LDB1: variants seen among roughly 807,000 people sequenced by gnomAD.
LDB1 encodes the protein LIM domain binding 1.
LDB1 carries 6 observed loss-of-function variants against 49.7 expected under a neutral mutation model. The ratio of observed to expected loss-of-function variants is 0.12; its 90% CI spans 0.07 to 0.24. The LOEUF (loss-of-function observed/expected upper bound fraction) is 0.24, where lower values mean the gene tolerates loss of function less well. LDB1 is among the 10% of genes least tolerant of loss of function. The pLI, the probability that LDB1 is intolerant of heterozygous loss-of-function variation, is 1.00. For missense variants in LDB1, 341 were observed against 561.7 expected (o/e 0.61, Z 3.97); for synonymous variants, 233 against 202.0 (o/e 1.15, Z -1.30).
At chr10:102,102,977 C>T (rs2068130763), downstream of LDB1, among the ~76,000 whole-genome samples, 1 of 152,094 alleles carries the variant, frequency 6.6e-6, no homozygotes, top group African/African-American at 2.4e-5. Context: ...TCCCACTATG[C>T]CCAGCTTAAA....
At chr10:102,108,629 A>C (rs894033752) in intron 10 of LDB1, among the ~76,000 whole-genome samples, 2 of 152,180 alleles carry the variant, frequency 1.3e-5, no homozygotes, top group African/African-American at 4.8e-5. Flanking sequence ...TCCACATGTA[A>C]GAAAGGGAGC....
Position 102,109,104 on chromosome 10 carries a change from A to G in LDB1, c.930T>C (p.Gly310=). 6.2e-7 allele frequency: 1 copy of G among 1,614,114 alleles called. No individual in the cohort carries two copies. Among genetic ancestry groups the G allele is most frequent in the Non-Finnish European group, 8.5e-7 (1 of 1,180,026 alleles). The stretch of plus-strand genomic sequence containing the variant: ...TGTTGCTGTTGTTGGTGTTGCCACC[A>G]CCAGAGCTCATGGTGCTGCCCCCTG... ...KMSGGSTMSS[G]GGNTNNSNSK... The change falls in exon 10 of 11, where the codon GGT becomes GGC. Residue 310 remains glycine, a synonymous_variant. Coordinates refer to ENST00000673968, the MANE Select transcript of LDB1 (RefSeq NM_001113407.3). This position sits in a 1 kb window ranked among gnomAD's most constrained non-coding sequence, Gnocchi z 5.8.
chr10:102,118,697 G>A (rs2133533595), intron 1 of LDB1, among the ~76,000 whole-genome samples: 1 of 152,304 alleles, frequency 6.6e-6, no homozygotes, highest in East Asian at 1.9e-4. Context: ...GTTGATGGAG[G>A]GTCAGGGCCC....
At chr10:102,108,966 G>A (rs750953533) in intron 10 of LDB1, 63 bp downstream of exon 10, 1 of 1,605,982 alleles carries the variant, frequency 6.2e-7, no homozygotes, top group East Asian at 2.2e-5. Context: ...GCTCAGGCTT[G>A]GAAAGGGGTC....
At chr10:102,115,441 T>G (rs995562945) in intron 1 of LDB1, among the ~76,000 whole-genome samples, 7 of 152,170 alleles carry the variant, frequency 4.6e-5, no homozygotes, top group African/African-American at 1.7e-4. Context: ...CTGGAGCAGC[T>G]GGGGGGAGAG....
At chr10:102,120,942 C>T (rs2068412630), upstream of LDB1, among the ~76,000 whole-genome samples, 1 of 152,202 alleles carries the variant, frequency 6.6e-6, no homozygotes, top group Non-Finnish European at 1.5e-5. Context: ...CTGGAGGCCC[C>T]TTGTTTCGCG....
intron 1 of LDB1, chr10:102,114,812 G>GGGGGCCCCCCCCCCCCCCCC: frequency 2.7e-4 from 253 of 929,742 alleles, no homozygotes; most frequent in Non-Finnish European, 3.0e-4. Flanking sequence ...CCTCCGAGCA[G>GGGGGCCCCCCCCCCCCCCCC]CCCGCCCGCC....
At chr10:102,112,786 T>TG (rs778117065) in intron 1 of LDB1, among the ~76,000 whole-genome samples, 4 of 152,146 alleles carry the variant, frequency 2.6e-5, no homozygotes, top group Non-Finnish European at 5.9e-5. Context: ...TAGGGGCAAG[T>TG]GGTCACTAGA....
In LDB1 at chr10:102,119,557, CCAACCTTCCCTGG is replaced by C. The variant is rs1197168220; in HGVS notation, c.25+516_25+528del. On this transcript the variant is annotated intron_variant, in intron 1 of 10. Transcript: ENST00000673968. The stretch of plus-strand genomic sequence containing the variant: ...GAGTACCTCCGGTGCCTCAGGAGGG[CCAACCTTCCCTGG>C]CAACAGGCAGGAAAAGTTGAAGGTG... Among the ~76,000 whole-genome samples, 4 of 152,014 alleles carry C rather than the reference CCAACCTTCCCTGG, an allele frequency of 2.6e-5. No homozygotes were observed. In the East Asian group the frequency reaches 7.7e-4, roughly 29 times the overall value.
At chr10:102,118,590 C>T (rs1444700806) in intron 1 of LDB1, among the ~76,000 whole-genome samples, 1 of 152,230 alleles carries the variant, frequency 6.6e-6, no homozygotes, top group Non-Finnish European at 1.5e-5. Flanking sequence ...TACATACATA[C>T]CCGCTTACCC....
At chr10:102,113,815 C>T (rs1324981688) in intron 1 of LDB1, among the ~76,000 whole-genome samples, 1 of 148,640 alleles carries the variant, frequency 6.7e-6, no homozygotes, top group East Asian at 2.0e-4. Flanking sequence ...AGAGAATGAA[C>T]AGGCATTGTC....
At chr10:102,114,234 G>A (rs747197347) in intron 1 of LDB1, among the ~76,000 whole-genome samples, 5 of 152,170 alleles carry the variant, frequency 3.3e-5, no homozygotes, top group Non-Finnish European at 7.4e-5. Context: ...TGGTAACCAG[G>A]CTGACTCGAG....
In LDB1 at chr10:102,110,668, C is replaced by A; in HGVS notation, c.386G>T (p.Arg129Leu). The change falls in exon 6 of 11, where the codon CGC becomes CTC. Residue 129 changes from arginine to leucine, a missense_variant. Arg to Leu is a moderately radical substitution (Grantham distance 102, BLOSUM62 -2). Coordinates refer to ENST00000673968, the MANE Select transcript of LDB1 (RefSeq NM_001113407.3). ...CGTAGCACCCCCCTCAAAGATGCTGCGGAAGTAGCGTGGGATCAGGGTCCG... is the reference window on the plus strand; with the variant it reads ...CGTAGCACCCCCCTCAAAGATGCTGAGGAAGTAGCGTGGGATCAGGGTCCG... ...IGRTLIPRYF[R>L]SIFEGGATEL... The A allele has an allele frequency of 6.2e-7, 1 of 1,613,614 alleles. No homozygotes were observed. The highest frequency in any genetic ancestry group is 8.5e-7 in the Non-Finnish European group (1 of 1,179,738).
intron 5 of LDB1, 76 bp downstream of exon 5, chr10:102,110,793 T>C (rs528924278): frequency 1.4e-5 from 22 of 1,580,206 alleles, no homozygotes; most frequent in Non-Finnish European, 1.9e-5. Flanking sequence ...CCCCTGGCAC[T>C]CCCAGACCCA....
downstream of LDB1, among the ~76,000 whole-genome samples, chr10:102,104,193 AG>A (rs2068137950): frequency 6.6e-6 from 1 of 152,310 alleles, no homozygotes; most frequent in East Asian, 1.9e-4. Flanking sequence ...AGACCGGGTC[AG>A]GAAAAATGAG....
chr10:102,103,179 G>C (rs1337364230), downstream of LDB1, among the ~76,000 whole-genome samples: 3 of 151,530 alleles, frequency 2.0e-5, no homozygotes. Flanking sequence ...TCAGGTGCAT[G>C]ATCATGCCCA....
rs546415735 is a variant in LDB1, at chr10:102,106,683, C to T, written c.*1410G>A. ...AGTGGCAGCTGGAGTGGAGGAAATA[C>T]GGTGTGGGGGACCCCAGAATCCAGA... On this transcript the variant is annotated 3_prime_UTR_variant, in exon 11 of 11. Transcript: ENST00000673968. Among the ~76,000 whole-genome samples the T allele has an allele frequency of 5.4e-5, 8 of 148,384 alleles. No individual in the cohort carries two copies. Among genetic ancestry groups the T allele is most frequent in the Admixed American group, 2.7e-4 (4 of 14,800 alleles).
intron 1 of LDB1, chr10:102,114,953 T>C (rs2068315847): frequency 2.0e-6 from 1 of 503,734 alleles, no homozygotes; most frequent in Non-Finnish European, 2.6e-6. Flanking sequence ...TCCCTTTCTC[T>C]CCCTGCCTCC....
In LDB1 at chr10:102,109,589, C is replaced by G. The variant is rs772603272; in HGVS notation, c.732+11G>C. 2 of 1,613,782 alleles carry G rather than the reference C, an allele frequency of 1.2e-6. No individual in the cohort carries two copies. The highest frequency in any genetic ancestry group is 1.7e-5 in the Admixed American group (1 of 59,986). ...TGGACTGGGGCAGAAACTGGGTGGT[C>G]GGAGACTCACTCGGAGGTAGTTGAG... On this transcript the variant is annotated intron_variant, in intron 8 of 10. Transcript: ENST00000673968. This position sits in a 1 kb window ranked among gnomAD's most constrained non-coding sequence, Gnocchi z 5.8.
Sources: allele counts gnomAD v4.1 joint callset (sites outside exome capture counted in the v4.1 genomes callset), GRCh38; gene constraint gnomAD v4.1.1; non-coding constraint Gnocchi (gnomAD v3.1); transcripts MANE v1.5; gene names NCBI Gene and HGNC (gene_info 2026-07-23, HGNC 2026-07-21).